WIPF1: variants seen among roughly 807,000 people sequenced by gnomAD.
WIPF1 encodes WAS/WASL interacting protein family member 1.
A neutral mutation model predicts 35.4 loss-of-function variants in WIPF1; 13 were observed. The ratio of observed to expected loss-of-function variants is 0.37; its 90% CI spans 0.24 to 0.58. WIPF1 has a LOEUF of 0.58. Ranked by LOEUF, WIPF1 falls within the 20% of genes least tolerant of loss-of-function variation. The probability of loss-of-function intolerance (pLI) is 0.74; values close to 1 mark genes in which losing one functional copy is unlikely to be tolerated. For synonymous variants in WIPF1, 267 were observed against 266.3 expected (o/e 1.00, Z -0.02); for missense variants, 591 against 667.0 (o/e 0.89, Z 1.25).
chr2:174,670,450 G>T (rs1163111673), intron 1 of WIPF1, among the ~76,000 whole-genome samples: 1 of 152,226 alleles, frequency 6.6e-6, no homozygotes, highest in Non-Finnish European at 1.5e-5. Context: ...TAACTGAGTT[G>T]TCGAGGGCAC....
intron 1 of WIPF1, among the ~76,000 whole-genome samples, chr2:174,666,207 G>C (rs971731607): frequency 6.6e-6 from 1 of 152,228 alleles, no homozygotes; most frequent in Non-Finnish European, 1.5e-5. Flanking sequence ...TTGGCTGCAA[G>C]TGAGCCATGA....
At chr2:174,647,535 G>T (rs1012077439) in intron 1 of WIPF1, among the ~76,000 whole-genome samples, 1 of 151,884 alleles carries the variant, frequency 6.6e-6, no homozygotes, top group Non-Finnish European at 1.5e-5. Flanking sequence ...CACTATGCCT[G>T]GCTAATTTTT....
At chr2:174,627,710 C>T (rs539554022) in intron 1 of WIPF1, among the ~76,000 whole-genome samples, 15 of 151,902 alleles carry the variant, frequency 9.9e-5, no homozygotes, top group African/African-American at 3.6e-4. Flanking sequence ...CCAAACCTGG[C>T]TAATTTTTAA....
At chr2:174,678,817 A>G (rs527787025) in intron 1 of WIPF1, among the ~76,000 whole-genome samples, 13 of 152,346 alleles carry the variant, frequency 8.5e-5, no homozygotes, top group African/African-American at 2.9e-4. Context: ...GCAGCCCCTC[A>G]ATACTAAGAT....
Position 174,657,453 on chromosome 2 carries a change from A to C in WIPF1, c.-39+25321T>G, listed in dbSNP as rs563915689. ...CGGCTTGAATGCTGCATGCTTGGGA[A>C]GGGAAAAATCAGCTCCCAGGGTTTT... On this transcript the variant is annotated intron_variant, in intron 1 of 8. Coordinates refer to the WIPF1 transcript ENST00000272746. 5.3e-5 allele frequency among the ~76,000 whole-genome samples: 8 copies of C among 152,360 alleles called. No homozygotes were observed. The East Asian group carries it at 1.2e-3, about 22-fold the overall frequency.
At chr2:174,673,054 T>G (rs1688054048) in intron 1 of WIPF1, among the ~76,000 whole-genome samples, 1 of 152,158 alleles carries the variant, frequency 6.6e-6, no homozygotes, top group Non-Finnish European at 1.5e-5. Context: ...GGCATCAGCA[T>G]ATGGGGGCCT....
At chr2:174,656,978 C>T (rs191110745) in intron 1 of WIPF1, among the ~76,000 whole-genome samples, 1 of 152,332 alleles carries the variant, frequency 6.6e-6, no homozygotes, top group East Asian at 1.9e-4. Context: ...CACATATGCA[C>T]ATACACCCCC....
chr2:174,668,057 G>A (rs751111897), intron 1 of WIPF1, among the ~76,000 whole-genome samples: 36 of 152,212 alleles, frequency 2.4e-4, no homozygotes, highest in African/African-American at 7.5e-4. Context: ...GTCTTGTTAC[G>A]TTTTGTACCT....
intron 3 of WIPF1, 63 bp downstream of exon 3, chr2:174,581,247 G>C: frequency 1.9e-6 from 3 of 1,594,652 alleles, no homozygotes; most frequent in Non-Finnish European, 1.7e-6. Context: ...AGTGGTGAGG[G>C]TAGGGTTGAT....
intron 7 of WIPF1, among the ~76,000 whole-genome samples, chr2:174,564,039 A>C (rs1684567168): frequency 6.6e-6 from 1 of 152,162 alleles, no homozygotes; most frequent in South Asian, 2.1e-4. Flanking sequence ...GACCCGCCAC[A>C]AGTGGTTAGT....
At chr2:174,641,732 CCAGGAGGGA>C (rs1687297829) in intron 1 of WIPF1, among the ~76,000 whole-genome samples, 1 of 152,194 alleles carries the variant, frequency 6.6e-6, no homozygotes, top group African/African-American at 2.4e-5. Context: ...TCACCAGTAC[CCAGGAGGGA>C]CTGGAAGAGA....
At chr2:174,666,766 G>C (rs1194380752) in intron 1 of WIPF1, among the ~76,000 whole-genome samples, 1 of 152,268 alleles carries the variant, frequency 6.6e-6, no homozygotes, top group African/African-American at 2.4e-5. Context: ...TGCTGACACA[G>C]AATGCTCGGT....
chr2:174,635,461 G>C (rs1440543570), intron 1 of WIPF1, among the ~76,000 whole-genome samples: 3 of 151,814 alleles, frequency 2.0e-5, no homozygotes, highest in African/African-American at 7.3e-5. Flanking sequence ...GCTGGAGCAG[G>C]GACTAAGCAA....
intron 7 of WIPF1, among the ~76,000 whole-genome samples, chr2:174,564,815 G>GCACACACA (rs10587549): frequency 0.026 from 3,675 of 143,462 alleles, 43 homozygotes; most frequent in Middle Eastern, 0.069. Context: ...TTCTTCTGGT[G>GCACACACA]CACACACACA....
intron 1 of WIPF1, among the ~76,000 whole-genome samples, chr2:174,618,121 AT>A (rs1038574168): frequency 7.2e-5 from 11 of 152,220 alleles, no homozygotes; most frequent in African/African-American, 2.7e-4. Context: ...TTCCAGAATA[AT>A]TGAAAATCCC....
At chr2:174,656,993 G>A (rs1687653603) in intron 1 of WIPF1, among the ~76,000 whole-genome samples, 1 of 152,200 alleles carries the variant, frequency 6.6e-6, no homozygotes, top group Non-Finnish European at 1.5e-5. Flanking sequence ...ACCCCCTAGA[G>A]ACAGCTGATA....
intron 1 of WIPF1, among the ~76,000 whole-genome samples, chr2:174,671,390 T>C (rs1405469181): frequency 2.0e-5 from 3 of 152,186 alleles, no homozygotes; most frequent in Non-Finnish European, 4.4e-5. Flanking sequence ...CTCAGGACCC[T>C]GTGATGATTG....
intron 1 of WIPF1, among the ~76,000 whole-genome samples, chr2:174,639,417 C>A (rs554582949): frequency 2.0e-5 from 3 of 152,228 alleles, no homozygotes; most frequent in Admixed American, 1.3e-4. Context: ...TCACGCTTGG[C>A]TAATTTTTAA....
At chr2:174,650,919 G>A (rs1348792153) in intron 1 of WIPF1, among the ~76,000 whole-genome samples, 1 of 152,236 alleles carries the variant, frequency 6.6e-6, no homozygotes, top group African/African-American at 2.4e-5. Context: ...CTACAGACTG[G>A]CATCACACGT....
Sources: allele counts gnomAD v4.1 joint callset (sites outside exome capture counted in the v4.1 genomes callset), GRCh38; gene constraint gnomAD v4.1.1; transcripts MANE v1.5; gene names NCBI Gene and HGNC (gene_info 2026-07-23, HGNC 2026-07-21).